CAST: variants seen among roughly 807,000 people sequenced by gnomAD.
CAST encodes MIR583 host.
Under a neutral mutation model 119.6 loss-of-function variants are expected in CAST, and 76 were observed. That is an observed-to-expected ratio of 0.64 (90% CI 0.53 to 0.77). CAST has a LOEUF of 0.77. CAST is among the 30% of genes least tolerant of loss of function. CAST has a pLI of 0.00. For synonymous variants in CAST, 319 were observed against 331.6 expected, an observed-to-expected ratio of 0.96 and a Z score of 0.41; for missense variants, 953 against 946.5, an observed-to-expected ratio of 1.01 and a Z score of -0.09.
At chr5:95,972,397 G>C in the CAST span, among the ~76,000 whole-genome samples, 1 of 151,332 alleles carries the variant, frequency 6.6e-6, no homozygotes, top group Non-Finnish European at 1.5e-5. Flanking sequence ...ACTTGGCATT[G>C]TCAGGTTTTT....
At chr5:96,358,492 A>C in the CAST span, among the ~76,000 whole-genome samples, 1 of 152,082 alleles carries the variant, frequency 6.6e-6, no homozygotes, top group Admixed American at 6.6e-5. Flanking sequence ...CCCCCTAAAC[A>C]CTTCTTTAGC....
the CAST span, among the ~76,000 whole-genome samples, chr5:96,296,194 T>A: frequency 6.6e-6 from 1 of 152,240 alleles, no homozygotes; most frequent in African/African-American, 2.4e-5. Flanking sequence ...TTACAATGTT[T>A]CCTTCTACAG....
At chr5:96,625,062 G>A (rs148998376) in intron 1 of CAST, among the ~76,000 whole-genome samples, 3 of 152,260 alleles carry the variant, frequency 2.0e-5, no homozygotes, top group African/African-American at 7.2e-5. Flanking sequence ...ATTTGAGGCA[G>A]AAACAAGGTG....
chr5:96,136,370 G>GTTTT, the CAST span, among the ~76,000 whole-genome samples: 1 of 151,290 alleles, frequency 6.6e-6, no homozygotes, highest in Non-Finnish European at 1.5e-5. Flanking sequence ...GTTTTGTTTT[G>GTTTT]TTTTTGAGCA....
intron 1 of CAST, among the ~76,000 whole-genome samples, chr5:96,625,898 C>G (rs904982977): frequency 6.6e-6 from 1 of 152,118 alleles, no homozygotes; most frequent in Non-Finnish European, 1.5e-5. Context: ...ACTTCCAATG[C>G]GAACTCACTC....
intron 1 of CAST, among the ~76,000 whole-genome samples, chr5:96,576,694 T>A (rs919338988): frequency 1.1e-4 from 16 of 152,266 alleles, no homozygotes; most frequent in African/African-American, 3.4e-4. Flanking sequence ...TCATTTTTTT[T>A]AAATGTTGTA....
At chr5:96,226,828 T>C in the CAST span, among the ~76,000 whole-genome samples, 1 of 152,214 alleles carries the variant, frequency 6.6e-6, no homozygotes, top group African/African-American at 2.4e-5. Flanking sequence ...TTTCCTGTCA[T>C]GACATTTTTA....
chr5:96,241,195 A>C, the CAST span, among the ~76,000 whole-genome samples: 6 of 144,014 alleles, frequency 4.2e-5, no homozygotes, highest in African/African-American at 1.5e-4. Flanking sequence ...TATATCTCCC[A>C]ATGCTATCCC....
intron 8 of CAST, among the ~76,000 whole-genome samples, chr5:96,730,114 A>C (rs1425758850): frequency 6.6e-6 from 1 of 152,194 alleles, no homozygotes; most frequent in Non-Finnish European, 1.5e-5. Flanking sequence ...CTTTAAATGG[A>C]AATCCTAAAG....
At chr5:96,196,652 G>T in the CAST span, among the ~76,000 whole-genome samples, 1 of 152,150 alleles carries the variant, frequency 6.6e-6, no homozygotes, top group Non-Finnish European at 1.5e-5. Context: ...GCTGGGGAAT[G>T]AAAGAACAGT....
intron 2 of CAST, among the ~76,000 whole-genome samples, chr5:96,682,422 A>G (rs1412778816): frequency 6.6e-6 from 1 of 152,134 alleles, no homozygotes; most frequent in Admixed American, 6.5e-5. Flanking sequence ...TCACTCCATT[A>G]TCATTCCATC....
At chr5:96,542,064 A>G (rs1019423384) in intron 1 of CAST, among the ~76,000 whole-genome samples, 31 of 152,186 alleles carry the variant, frequency 2.0e-4, no homozygotes, top group African/African-American at 7.0e-4. Context: ...TAATCCCAGC[A>G]CTTTGGGAGG....
At position 96,757,426 on chromosome 5, in the gene CAST, GT is replaced by G; in HGVS notation, c.1711-14del. The stretch of plus-strand genomic sequence containing the variant: ...AATGTAAAATGATTTCATGCCATGT[GT>G]TTTCCCCCCCGGATAGGATAAAGAT... On this transcript the variant is annotated splice_polypyrimidine_tract_variant and intron_variant, in intron 22 of 31. Coordinates refer to ENST00000675179, the MANE Select transcript of CAST (RefSeq NM_001750.7). The G allele has an allele frequency of 6.2e-7, 1 of 1,611,914 alleles. No individual in the cohort carries two copies. The highest frequency in any genetic ancestry group is 1.3e-5 in the African/African-American group (1 of 74,948).
chr5:96,486,676 A>G, the CAST span, among the ~76,000 whole-genome samples: 1 of 150,116 alleles, frequency 6.7e-6, no homozygotes, highest in African/African-American at 2.5e-5. Flanking sequence ...TGAAGATTAC[A>G]CTGGAGTTCT....
At chr5:95,993,729 A>G in the CAST span, among the ~76,000 whole-genome samples, 1 of 152,206 alleles carries the variant, frequency 6.6e-6, no homozygotes, top group Admixed American at 6.6e-5. Context: ...TCTGCAAAAC[A>G]CATTTGACCA....
At chr5:96,380,679 T>C in the CAST span, among the ~76,000 whole-genome samples, 8,535 of 152,256 alleles carry the variant, frequency 0.056, 737 homozygotes, top group African/African-American at 0.19. Context: ...TTCAGAAAAC[T>C]TGTATCTACT....
At chr5:96,501,859 A>C in the CAST span, among the ~76,000 whole-genome samples, 1 of 152,218 alleles carries the variant, frequency 6.6e-6, no homozygotes, top group African/African-American at 2.4e-5. Flanking sequence ...AATTGTTACA[A>C]TTGTCTACAG....
chr5:96,276,035 G>T, the CAST span, among the ~76,000 whole-genome samples: 1 of 152,128 alleles, frequency 6.6e-6, no homozygotes, highest in Non-Finnish European at 1.5e-5. Context: ...CTTAGCCAGT[G>T]GTCTTCTTCG....
the CAST span, among the ~76,000 whole-genome samples, chr5:96,093,745 G>A: frequency 1.2e-3 from 187 of 152,310 alleles, no homozygotes; most frequent in Middle Eastern, 6.8e-3. Flanking sequence ...ATGGTAAAAT[G>A]AGAGAGATAA....
Sources: gnomAD v4.1 joint callset for allele counts (sites outside exome capture counted in the v4.1 genomes callset) on GRCh38, gnomAD v4.1.1 for gene constraint, MANE v1.5 for transcripts, NCBI Gene and HGNC (gene_info 2026-07-23, HGNC 2026-07-21) for gene names.